LGR4: variants seen among roughly 807,000 people sequenced by gnomAD.
The protein encoded by LGR4 is leucine rich repeat containing G protein-coupled receptor 4, also known as leucine-rich repeat-containing G protein-coupled receptor 4.
LGR4 carries 44 observed loss-of-function variants against 84.8 expected under a neutral mutation model. The observed-to-expected ratio is 0.52, with a 90% CI of 0.41 to 0.67. LGR4 has a LOEUF of 0.67. Among genes scored for constraint, LGR4 ranks in the 30% least tolerant of loss-of-function variants. LGR4 has a pLI of 0.00. For synonymous variants in LGR4, 429 were observed against 434.3 expected (o/e 0.99, Z 0.15); for missense variants, 1,032 against 1,131.4 (o/e 0.91, Z 1.26).
chr11:27,368,512 G>C lies in LGR4; in HGVS notation c.2211C>G (p.Leu737=), dbSNP rs1372306218. 4 of 1,614,068 alleles carry C rather than the reference G, an allele frequency of 2.5e-6. No individual in the cohort carries two copies. Among genetic ancestry groups the C allele is most frequent in the Non-Finnish European group, 3.4e-6 (4 of 1,180,026 alleles). The change falls in exon 18 of 18, where the codon CTC becomes CTG. Residue 737 remains leucine (L), a synonymous_variant. Coordinates refer to ENST00000379214, the MANE Select transcript of LGR4 (RefSeq NM_018490.5). The part of the protein sequence containing the change: ...KLYCNLEKED[L]SENSQSSMIK... ...TCATGCTAGATTGTGAGTTTTCTGA[G>C]AGGTCCTCTTTTTCCAAGTTGCAGT...
intron 17 of LGR4, among the ~76,000 whole-genome samples, chr11:27,370,010 T>C (rs985990054): frequency 6.6e-5 from 10 of 152,226 alleles, no homozygotes; most frequent in African/African-American, 2.4e-4. Flanking sequence ...GTCGCTGAAC[T>C]CCATGTTCCA....
Position 27,376,345 on chromosome 11 carries a change from G to T in LGR4, c.1135C>A (p.Gln379Lys). The T allele has an allele frequency of 6.4e-7, 1 of 1,571,384 alleles. No homozygotes were observed. Among genetic ancestry groups the T allele is most frequent in the Non-Finnish European group, 8.7e-7 (1 of 1,146,934 alleles). Residue 379 changes from glutamine to lysine, a missense_variant, in exon 13 of 18, where the codon CAA (glutamine) becomes AAA (lysine). Coordinates refer to ENST00000379214, the MANE Select transcript of LGR4 (RefSeq NM_018490.5). ...EISLQRNQIY[Q>K]IKEGTFQGLI... ...CCTTGAAAGGTGCCTTCCTTTATTT[G>T]GTAGATTTGATTACGCTGTAAAGAA...
intron 1 of LGR4, among the ~76,000 whole-genome samples, chr11:27,444,220 T>C (rs1864349970): frequency 6.6e-6 from 1 of 152,196 alleles, no homozygotes; most frequent in African/African-American, 2.4e-5. Context: ...AAGCAAGTTC[T>C]TTCCATTTCA....
Position 27,368,774 on chromosome 11 carries a change from A to G in LGR4, c.1949T>C (p.Ile650Thr), listed in dbSNP as rs562648114. 2.5e-5 allele frequency: 41 copies of G among 1,613,864 alleles called. 2 individuals are homozygous for G. In the South Asian group the frequency reaches 4.1e-4, roughly 16 times the overall value. Residue 650 changes from isoleucine to threonine, a missense_variant, in exon 18 of 18, where the codon ATA becomes ACA. Transcript: ENST00000379214. ...TVERSLSAKD[I>T]MKNGKSNHLK... ...ATGATTGCTCTTCCCATTTTTCATT[A>G]TATCTTTTGCAGATAAGCTTCTTTC...
chr11:27,468,503 T>A (rs1004560003), intron 1 of LGR4, among the ~76,000 whole-genome samples: 1 of 152,016 alleles, frequency 6.6e-6, no homozygotes, highest in East Asian at 1.9e-4. Context: ...ATAAAGAGGG[T>A]GGTGTGAGCT....
chr11:27,428,296 C>T (rs570982684), intron 1 of LGR4, among the ~76,000 whole-genome samples: 11 of 152,132 alleles, frequency 7.2e-5, no homozygotes, highest in Non-Finnish European at 1.2e-4. Flanking sequence ...ACCACCACGT[C>T]TGGCTAATTT....
chr11:27,412,744 T>C lies in LGR4; in HGVS notation c.257+45A>G, dbSNP rs765670302. 1.4e-5 allele frequency: 16 copies of C among 1,140,652 alleles called. No homozygotes were observed. The South Asian group carries it at 1.9e-4, about 13-fold the overall frequency. 70.7% of individuals were successfully genotyped at this position (1,140,652 alleles called of 1,614,324 possible). A position where few individuals can be genotyped will look rare whatever the true frequency, so the allele number is the denominator to read the frequency against. On this transcript the variant is annotated intron_variant, in intron 2 of 17. Transcript: ENST00000379214. Reference sequence around the variant, plus strand: ...CTGTAGCAAAAGCTTCCAAAATGAATTGGGGAAAAAGACATACACACACAT... The same window carrying C: ...CTGTAGCAAAAGCTTCCAAAATGAACTGGGGAAAAAGACATACACACACAT...
intron 1 of LGR4, among the ~76,000 whole-genome samples, chr11:27,413,140 G>A (rs976131491): frequency 1.3e-5 from 2 of 152,000 alleles, no homozygotes; most frequent in African/African-American, 4.8e-5. Flanking sequence ...TAAAATAAGT[G>A]GGCCAGGGTG....
At position 27,406,199 on chromosome 11, in the gene LGR4, GA is replaced by G. The variant is rs1319674691; in HGVS notation, c.257+6589del. ...GAAATGCCATCGTTCCTTCTTGCTAGAAGTAATTTTCCTTCCAATTTGAATT... is the reference window on the plus strand; with the variant it reads ...GAAATGCCATCGTTCCTTCTTGCTAGAGTAATTTTCCTTCCAATTTGAATT... On this transcript the variant is annotated intron_variant, in intron 2 of 17. Coordinates refer to ENST00000379214, the MANE Select transcript of LGR4 (RefSeq NM_018490.5). Among the ~76,000 whole-genome samples, 11 of 152,232 alleles carry G rather than the reference GA, an allele frequency of 7.2e-5. No homozygotes were observed. In the East Asian group the frequency reaches 2.1e-3, roughly 29 times the overall value.
At position 27,374,061 on chromosome 11, in the gene LGR4, G is replaced by C. The variant is rs753585857; in HGVS notation, c.1182-15C>G. ...TACTCAGATCTCTGCAATTATAAGAGTAACATGTTAATCTTTCAAATAAAC... is the reference window on the plus strand; with the variant it reads ...TACTCAGATCTCTGCAATTATAAGACTAACATGTTAATCTTTCAAATAAAC... On this transcript the variant is annotated splice_polypyrimidine_tract_variant and intron_variant, in intron 13 of 17. Transcript: ENST00000379214. 5 of 1,545,326 alleles carry C rather than the reference G, an allele frequency of 3.2e-6. No individual in the cohort carries two copies. Among genetic ancestry groups the C allele is most frequent in the Non-Finnish European group, 1.8e-6 (2 of 1,117,768 alleles).
intron 1 of LGR4, among the ~76,000 whole-genome samples, chr11:27,460,519 C>T (rs1864661456): frequency 6.6e-6 from 1 of 152,186 alleles, no homozygotes; most frequent in Non-Finnish European, 1.5e-5. Flanking sequence ...AGGTGGAAAA[C>T]CCATCATGGA....
At chr11:27,461,885 C>T (rs1033978491) in intron 1 of LGR4, among the ~76,000 whole-genome samples, 7 of 122,522 alleles carry the variant, frequency 5.7e-5, no homozygotes, top group Non-Finnish European at 1.1e-4. Context: ...ACTCTGTCGT[C>T]CAGGCTGGAT....
chr11:27,429,669 T>C (rs1424376079), intron 1 of LGR4, among the ~76,000 whole-genome samples: 5 of 152,222 alleles, frequency 3.3e-5, no homozygotes, highest in Non-Finnish European at 4.4e-5. Flanking sequence ...ATGTTTATCA[T>C]AGCATGAATC....
At chr11:27,390,093 A>G (rs2133377047) in intron 4 of LGR4, among the ~76,000 whole-genome samples, 1 of 152,294 alleles carries the variant, frequency 6.6e-6, no homozygotes, top group South Asian at 2.1e-4. Context: ...ATTAACTACT[A>G]GAATATCTAA....
rs1489675588 is a variant in LGR4, at chr11:27,368,761, C to T, written c.1962G>A (p.Gly654=). ...GGAACTGTTTGAGATGATTGCTCTT[C>T]CCATTTTTCATTATATCTTTTGCAG... ...SLSAKDIMKN[G]KSNHLKQFRV... The change falls in exon 18 of 18, where the codon GGG becomes GGA. Residue 654 remains glycine, a synonymous_variant. Transcript: ENST00000379214. 4 of 1,613,868 alleles carry T rather than the reference C, an allele frequency of 2.5e-6. No homozygotes were observed. Among genetic ancestry groups the T allele is most frequent in the Non-Finnish European group, 3.4e-6 (4 of 1,179,974 alleles).
chr11:27,425,344 T>C (rs946420073), intron 1 of LGR4, among the ~76,000 whole-genome samples: 1 of 151,896 alleles, frequency 6.6e-6, no homozygotes, highest in South Asian at 2.1e-4. Flanking sequence ...TTTTGTTTTT[T>C]TTTTTGAAAC....
At chr11:27,411,043 G>A (rs1863700792) in intron 2 of LGR4, among the ~76,000 whole-genome samples, 3 of 152,122 alleles carry the variant, frequency 2.0e-5, no homozygotes, top group Admixed American at 1.3e-4. Context: ...ACTGGCAATC[G>A]AAGGCATCAA....
chr11:27,427,771 T>C (rs760313234), intron 1 of LGR4, among the ~76,000 whole-genome samples: 18 of 152,170 alleles, frequency 1.2e-4, no homozygotes, highest in Non-Finnish European at 1.8e-4. Flanking sequence ...AGAATGCCAA[T>C]GAAGTTACTA....
intron 3 of LGR4, 68 bp from the exon 4 acceptor site, chr11:27,391,233 G>C: frequency 1.8e-6 from 1 of 564,830 alleles, no homozygotes; most frequent in Non-Finnish European, 2.8e-6. Flanking sequence ...AAAATTCAGA[G>C]CCTTTTTTTT....
Sources: allele counts gnomAD v4.1 joint callset (sites outside exome capture counted in the v4.1 genomes callset), GRCh38; gene constraint gnomAD v4.1.1; transcripts MANE v1.5; gene names NCBI Gene and HGNC (gene_info 2026-07-23, HGNC 2026-07-21).